Variants in CACNA1E observed in about 807,000 individuals in gnomAD.
CACNA1E encodes calcium voltage-gated channel subunit alpha1 E, also known as voltage-dependent R-type calcium channel subunit alpha-1E.
A neutral mutation model predicts 259.2 loss-of-function variants in CACNA1E; 40 were observed. The observed-to-expected ratio is 0.15, with a 90% CI of 0.12 to 0.20. The LOEUF (loss-of-function observed/expected upper bound fraction) is 0.20. Ranked by LOEUF, CACNA1E falls within the 10% of genes least tolerant of loss-of-function variation. The pLI is 1.00. For synonymous variants in CACNA1E, 1,104 were observed against 1,138.5 expected (o/e 0.97, Z 0.61); for missense variants, 1,874 against 3,040.1 (o/e 0.62, Z 9.02).
chr1:181,508,504 C>T (rs979675050), intron 1 of CACNA1E, among the ~76,000 whole-genome samples: 24 of 152,174 alleles, frequency 1.6e-4, no homozygotes, highest in African/African-American at 5.3e-4. Flanking sequence ...TCTGGGATTC[C>T]GGGTGCCTAT....
At chr1:181,348,028 A>G (rs1283435792) in intron 1 of CACNA1E, among the ~76,000 whole-genome samples, 1 of 152,238 alleles carries the variant, frequency 6.6e-6, no homozygotes, top group East Asian at 1.9e-4. Flanking sequence ...AGCCAGGGCC[A>G]GACCTTCCAC....
intron 7 of CACNA1E, among the ~76,000 whole-genome samples, chr1:181,700,458 C>G (rs1652135738): frequency 6.6e-6 from 1 of 152,178 alleles, no homozygotes; most frequent in African/African-American, 2.4e-5. Context: ...TGCCAGACAG[C>G]CTGTCTGTGC....
chr1:181,431,189 A>G (rs993070926), intron 2 of CACNA1E, among the ~76,000 whole-genome samples: 5 of 152,230 alleles, frequency 3.3e-5, no homozygotes, highest in Non-Finnish European at 7.3e-5. Flanking sequence ...GTAAATTTCA[A>G]TAGAAGATTG....
intron 2 of CACNA1E, among the ~76,000 whole-genome samples, chr1:181,440,952 G>A (rs1032585698): frequency 7.9e-6 from 1 of 125,904 alleles, no homozygotes; most frequent in Non-Finnish European, 1.6e-5. Flanking sequence ...TTGCACTCCA[G>A]CCTGGGTGAG....
intron 1 of CACNA1E, among the ~76,000 whole-genome samples, chr1:181,405,141 G>T (rs2102106408): frequency 6.6e-6 from 1 of 152,346 alleles, no homozygotes; most frequent in South Asian, 2.1e-4. Context: ...CTTTACTGCA[G>T]TACCAACGTA....
chr1:181,582,762 A>G (rs1435072675), intron 6 of CACNA1E, among the ~76,000 whole-genome samples: 1 of 152,194 alleles, frequency 6.6e-6, no homozygotes. Flanking sequence ...GATTCCTGCT[A>G]TCATAGTGCT....
chr1:181,610,335 A>G (rs1654638738), intron 6 of CACNA1E, among the ~76,000 whole-genome samples: 1 of 152,204 alleles, frequency 6.6e-6, no homozygotes, highest in African/African-American at 2.4e-5. Flanking sequence ...AAGGTTGAGA[A>G]CGCTCCTCCC....
chr1:181,445,836 A>G (rs1221200657), intron 2 of CACNA1E, among the ~76,000 whole-genome samples: 2 of 152,158 alleles, frequency 1.3e-5, no homozygotes, highest in Non-Finnish European at 2.9e-5. Context: ...GTATGGGGAG[A>G]GCATCTTTTC....
chr1:181,615,063 G>A (rs191824281), intron 6 of CACNA1E, among the ~76,000 whole-genome samples: 40 of 152,206 alleles, frequency 2.6e-4, no homozygotes, highest in Non-Finnish European at 5.0e-4. Flanking sequence ...AGAATATTGG[G>A]GAGAATTGAC....
chr1:181,379,854 T>A (rs935825821), intron 1 of CACNA1E, among the ~76,000 whole-genome samples: 1 of 151,796 alleles, frequency 6.6e-6, no homozygotes, highest in Non-Finnish European at 1.5e-5. Context: ...AAAAGCCACA[T>A]AATGGATAGA....
intron 3 of CACNA1E, among the ~76,000 whole-genome samples, chr1:181,565,217 T>C (rs1167442714): frequency 6.6e-6 from 1 of 152,222 alleles, no homozygotes; most frequent in Non-Finnish European, 1.5e-5. Flanking sequence ...AAGTGGGTTA[T>C]TGTGAGTGAC....
Position 181,758,207 on chromosome 1 carries a change from C to G in CACNA1E, c.4494+96C>G. On this transcript the variant is annotated intron_variant, in intron 31 of 47. Transcript: ENST00000367573. This position sits in a 1 kb window ranked among gnomAD's most constrained non-coding sequence, Gnocchi z 4.2. ...ACCCCAACATCCCAGCCCATCACTG[C>G]TTTACCTACTTTTCCATCATTGAAT... is the stretch of plus-strand genomic sequence containing the variant. 9.4e-7 allele frequency: 1 copy of G among 1,059,298 alleles called. No individual in the cohort carries two copies. The highest frequency in any genetic ancestry group is 1.4e-6 in the Non-Finnish European group (1 of 716,680). The allele number at this position is 1,059,298 out of a possible 1,614,324, so 65.6% of individuals were successfully genotyped here. A position where few individuals can be genotyped will look rare whatever the true frequency, so the allele number is the denominator to read the frequency against.
chr1:181,319,687 T>A (rs1650194020), intron 1 of CACNA1E, among the ~76,000 whole-genome samples: 1 of 152,194 alleles, frequency 6.6e-6, no homozygotes, highest in Non-Finnish European at 1.5e-5. Context: ...ATGTTGGTAA[T>A]AATTACACAT....
chr1:181,470,930 A>G (rs1171938328), intron 2 of CACNA1E, among the ~76,000 whole-genome samples: 2 of 152,180 alleles, frequency 1.3e-5, no homozygotes, highest in Non-Finnish European at 2.9e-5. Context: ...CTCCTATAAC[A>G]AAATACTCTA....
chr1:181,386,856 G>A (rs927878139), intron 1 of CACNA1E, among the ~76,000 whole-genome samples: 2 of 152,132 alleles, frequency 1.3e-5, no homozygotes, highest in South Asian at 4.1e-4. Context: ...GGTTAATTGG[G>A]TAACTATGTG....
chr1:181,366,546 G>A (rs1250377030), intron 1 of CACNA1E, among the ~76,000 whole-genome samples: 1 of 152,110 alleles, frequency 6.6e-6, no homozygotes, highest in Non-Finnish European at 1.5e-5. Flanking sequence ...CCAAGGTGAG[G>A]CCACAGTTGC....
intron 1 of CACNA1E, among the ~76,000 whole-genome samples, chr1:181,342,701 A>G (rs997317273): frequency 1.6e-4 from 24 of 152,162 alleles, no homozygotes; most frequent in African/African-American, 5.8e-4. Context: ...ATAAAATATA[A>G]GAATAGTCAA....
chr1:181,356,820 A>G (rs115355347), intron 1 of CACNA1E, among the ~76,000 whole-genome samples: 156 of 152,182 alleles, frequency 1.0e-3, no homozygotes, highest in Middle Eastern at 3.4e-3. Context: ...TAGCTTCTCT[A>G]TGCTCTAGTC....
chr1:181,733,449 G>T lies in CACNA1E; in HGVS notation c.2961G>T (p.Leu987=). ...RAQDLRRTNS[L]MVSRGSGLAG... The stretch of plus-strand genomic sequence containing the variant: ...TCTCTCTTCACAGGACCAACAGTCT[G>T]ATGGTGTCCAGAGGCTCCGGGCTGG... The change falls in exon 21 of 48, where the codon CTG becomes CTT. Residue 987 remains leucine (L), a synonymous_variant. Transcript: ENST00000367573. 6.5e-7 allele frequency: 1 copy of T among 1,537,600 alleles called. No homozygotes were observed. Among genetic ancestry groups the T allele is most frequent in the Non-Finnish European group, 8.8e-7 (1 of 1,141,382 alleles).
Sources: allele counts gnomAD v4.1 joint callset (sites outside exome capture counted in the v4.1 genomes callset), GRCh38; gene constraint gnomAD v4.1.1; non-coding constraint Gnocchi (gnomAD v3.1); transcripts MANE v1.5; gene names NCBI Gene and HGNC (gene_info 2026-07-23, HGNC 2026-07-21).